SAMD5: variants seen among roughly 807,000 people sequenced by gnomAD.
The protein encoded by SAMD5 is sterile alpha motif domain containing 5, also known as sterile alpha motif domain-containing protein 5.
Under a neutral mutation model 11.3 loss-of-function variants are expected in SAMD5, and 13 were observed. That is an observed-to-expected ratio of 1.15 (90% CI 0.75 to 1.83). SAMD5 has a LOEUF of 1.83. Ranked by LOEUF, SAMD5 falls within the 40% of genes most tolerant of loss-of-function variation. SAMD5 has a pLI of 0.00. For missense variants in SAMD5, 255 were observed against 239.1 expected (o/e 1.07, Z -0.44); for synonymous variants, 129 against 111.3 (o/e 1.16, Z -1.00).
the SAMD5 span, among the ~76,000 whole-genome samples, chr6:147,848,089 A>G: frequency 6.6e-6 from 1 of 152,328 alleles, no homozygotes; most frequent in East Asian, 1.9e-4. Context: ...TCCAGAATAG[A>G]AAATGTGCTT....
chr6:147,629,871 T>A (rs997102835), intron 1 of SAMD5, among the ~76,000 whole-genome samples: 42 of 152,206 alleles, frequency 2.8e-4, no homozygotes, highest in African/African-American at 9.9e-4. Context: ...TCAGCAGTTA[T>A]GTGCTCTGGA....
At chr6:147,525,514 G>A (rs938705143) in intron 1 of SAMD5, among the ~76,000 whole-genome samples, 16 of 151,784 alleles carry the variant, frequency 1.1e-4, no homozygotes, top group Admixed American at 9.9e-4. Flanking sequence ...ATTGATATCC[G>A]AAGTGTTAGT....
chr6:147,656,513 A>G (rs982684654), intron 1 of SAMD5, among the ~76,000 whole-genome samples: 14 of 152,216 alleles, frequency 9.2e-5, no homozygotes, highest in Non-Finnish European at 2.1e-4. Context: ...TAAGTTGTAA[A>G]CATCTTTTAA....
chr6:147,789,546 C>A, the SAMD5 span, among the ~76,000 whole-genome samples: 44 of 152,292 alleles, frequency 2.9e-4, no homozygotes, highest in Middle Eastern at 3.4e-3. Context: ...ATATGGTCCA[C>A]ATGGGTTTCC....
intron 1 of SAMD5, among the ~76,000 whole-genome samples, chr6:147,631,102 G>A (rs1790143623): frequency 6.6e-6 from 1 of 152,136 alleles, no homozygotes; most frequent in African/African-American, 2.4e-5. Context: ...GGCAGCATGG[G>A]AACCTAGAGT....
At chr6:147,818,335 C>T in the SAMD5 span, among the ~76,000 whole-genome samples, 1 of 152,154 alleles carries the variant, frequency 6.6e-6, no homozygotes, top group Non-Finnish European at 1.5e-5. Context: ...CATGAGGAAA[C>T]TTTTGGGAAA....
At chr6:147,865,319 T>A in the SAMD5 span, among the ~76,000 whole-genome samples, 530 of 2,898 alleles carry the variant, frequency 0.18, 5 homozygotes, top group Non-Finnish European at 0.28. Context: ...TATAAGTGTG[T>A]GTGTGTGTGT....
At chr6:147,895,137 A>G in the SAMD5 span, among the ~76,000 whole-genome samples, 1 of 152,258 alleles carries the variant, frequency 6.6e-6, no homozygotes, top group Non-Finnish European at 1.5e-5. Context: ...GGAGGAGCCC[A>G]GGCCAGCTCT....
Position 147,566,960 on chromosome 6 carries a change from A to G in SAMD5, c.*2504A>G, listed in dbSNP as rs1789051742. 2.3e-6 allele frequency: 2 copies of G among 852,202 alleles called. No homozygotes were observed. Among genetic ancestry groups the G allele is most frequent in the Middle Eastern group, 1.2e-3 (2 of 1,674 alleles). The allele number at this position is 852,202 out of a possible 1,614,324, so 52.8% of individuals were successfully genotyped here. A position where few individuals can be genotyped will look rare whatever the true frequency, so the allele number is the denominator to read the frequency against. ...ACACCAATAATATACTTAATTTTTG[A>G]ATATAAAAGAAGTAGCAATTGACTA... On this transcript the variant is annotated 3_prime_UTR_variant, in exon 2 of 2. Transcript: ENST00000367474.
At chr6:147,753,501 A>G in the SAMD5 span, among the ~76,000 whole-genome samples, 1 of 152,206 alleles carries the variant, frequency 6.6e-6, no homozygotes, top group Non-Finnish European at 1.5e-5. Flanking sequence ...TAAAATAAGC[A>G]TATCATGGAG....
Position 147,728,663 on chromosome 6 carries a change from T to A in SAMD5, c.163-8654T>A, listed in dbSNP as rs145787188. On this transcript the variant is annotated intron_variant, in intron 1 of 1. Transcript: ENST00000566741. ...AGACAAACGAAAGAAAAGAAAGCAATAGAGGGAGTTGTAGATAAAAGGAGA... is the reference window on the plus strand; with the variant it reads ...AGACAAACGAAAGAAAAGAAAGCAAAAGAGGGAGTTGTAGATAAAAGGAGA... Among the ~76,000 whole-genome samples, 163 of 151,972 alleles carry A rather than the reference T, an allele frequency of 1.1e-3. 3 individuals are homozygous for A. Among genetic ancestry groups the A allele is most frequent in the African/African-American group, 3.7e-3 (152 of 41,444 alleles).
At chr6:147,949,277 A>G in the SAMD5 span, among the ~76,000 whole-genome samples, 2 of 152,234 alleles carry the variant, frequency 1.3e-5, no homozygotes, top group African/African-American at 4.8e-5. Context: ...GATGGGGGAA[A>G]AAACCCAAGA....
rs76251592 is a variant in SAMD5 at position 147,526,752 on chromosome 6, C to A, written c.459+17365C>A. Among the ~76,000 whole-genome samples the A allele has an allele frequency of 8.1e-3, 1,241 of 152,320 alleles. 10 individuals are homozygous for A. The highest frequency in any genetic ancestry group is 0.033 in the East Asian group (173 of 5,186). Reference sequence around the variant, plus strand: ...ATGCATGAAACAGCATTAGCAAAATCTCAGAGTGACAAAAGTGCGAGGTTT... The same window carrying A: ...ATGCATGAAACAGCATTAGCAAAATATCAGAGTGACAAAAGTGCGAGGTTT... On this transcript the variant is annotated intron_variant, in intron 1 of 1. Coordinates refer to ENST00000367474, the MANE Select transcript of SAMD5 (RefSeq NM_001030060.3).
chr6:147,639,104 G>A (rs1350511209), intron 1 of SAMD5, among the ~76,000 whole-genome samples: 6 of 152,136 alleles, frequency 3.9e-5, no homozygotes, highest in African/African-American at 4.8e-5. Flanking sequence ...TGCAAATTGC[G>A]AGTACTTGGC....
intron 1 of SAMD5, among the ~76,000 whole-genome samples, chr6:147,629,564 T>G (rs1444338384): frequency 6.6e-6 from 1 of 152,216 alleles, no homozygotes; most frequent in African/African-American, 2.4e-5. Context: ...AAGGGAAAAC[T>G]AGTGGAGGCT....
intron 1 of SAMD5, among the ~76,000 whole-genome samples, chr6:147,643,128 C>A (rs1790338654): frequency 1.3e-5 from 2 of 152,154 alleles, no homozygotes; most frequent in Admixed American, 1.3e-4. Context: ...TTTGATACTG[C>A]AAATCCTCAC....
intron 1 of SAMD5, among the ~76,000 whole-genome samples, chr6:147,562,743 A>T (rs1788971854): frequency 6.6e-6 from 1 of 151,788 alleles, no homozygotes; most frequent in Admixed American, 6.6e-5. Flanking sequence ...AATGGCGTGA[A>T]CCCGGGAGGC....
At chr6:147,576,661 A>G (rs1444113240) in intron 1 of SAMD5, among the ~76,000 whole-genome samples, 1 of 152,336 alleles carries the variant, frequency 6.6e-6, no homozygotes, top group Non-Finnish European at 1.5e-5. Flanking sequence ...TAGCAACCCA[A>G]TAAACAATTG....
the SAMD5 span, among the ~76,000 whole-genome samples, chr6:147,887,562 G>GT: frequency 6.6e-6 from 1 of 152,056 alleles, no homozygotes; most frequent in Admixed American, 6.6e-5. Flanking sequence ...CTACATCACA[G>GT]TTTGTCTTTC....
Sources: gnomAD v4.1 joint callset for allele counts (sites outside exome capture counted in the v4.1 genomes callset) on GRCh38, gnomAD v4.1.1 for gene constraint, MANE v1.5 for transcripts, NCBI Gene and HGNC (gene_info 2026-07-23, HGNC 2026-07-21) for gene names.